The following TM9SF4 variants were observed in gnomAD, a reference collection of about 807,000 sequenced individuals.
TM9SF4 encodes transmembrane 9 superfamily member 4.
A neutral mutation model predicts 90.4 loss-of-function variants in TM9SF4; 26 were observed. The observed-to-expected ratio is 0.29, with a 90% confidence interval of 0.21 to 0.40. The LOEUF is 0.40. Among genes scored for constraint, TM9SF4 ranks in the 10% least tolerant of loss-of-function variants. TM9SF4 has a pLI of 1.00. For synonymous variants in TM9SF4, 293 were observed against 315.4 expected (o/e 0.93, Z 0.75); for missense variants, 549 against 834.8 (o/e 0.66, Z 4.22).
At chr20:32,161,392 T>C (rs1430202968) in intron 17 of TM9SF4, 27 bp downstream of exon 17, 2 of 1,598,320 alleles carry the variant, frequency 1.3e-6, no homozygotes, top group Admixed American at 3.3e-5. Context: ...GGAGGTCCTC[T>C]TAGTCCTCAT....
At chr20:32,163,270 T>A (rs371033015) in intron 17 of TM9SF4, among the ~76,000 whole-genome samples, 2,179 of 68,636 alleles carry the variant, frequency 0.032, 37 homozygotes, top group Non-Finnish European at 0.046. Flanking sequence ...AAAAAAAAAA[T>A]ATATATATAT....
chr20:32,157,361 C>T (rs1343256983), intron 13 of TM9SF4, among the ~76,000 whole-genome samples: 2 of 152,242 alleles, frequency 1.3e-5, no homozygotes, highest in Non-Finnish European at 2.9e-5. Context: ...CTTCTATACA[C>T]ATAGTTTATA....
At position 32,161,260 on chromosome 20, in the gene TM9SF4, T is replaced by G. The variant is rs1036174095; in HGVS notation, c.1690-16T>G. On this transcript the variant is annotated splice_polypyrimidine_tract_variant and intron_variant, in intron 16 of 17. Transcript: ENST00000398022. ...TGCCCCAGGACAACACTGACCTTCCTCTGTTTCCTCCTCAGGATTACCGCT... is the reference window on the plus strand; with the variant it reads ...TGCCCCAGGACAACACTGACCTTCCGCTGTTTCCTCCTCAGGATTACCGCT... The G allele has an allele frequency of 6.2e-7, 1 of 1,612,414 alleles. No homozygotes were observed. The highest frequency in any genetic ancestry group is 1.3e-5 in the African/African-American group (1 of 74,996).
rs941851420 is a variant in TM9SF4 at position 32,157,875 on chromosome 20, G to A, written c.1411G>A (p.Gly471Ser). 1.2e-6 allele frequency: 2 copies of A among 1,613,960 alleles called. No homozygotes were observed. The highest frequency in any genetic ancestry group is 1.1e-5 in the South Asian group (1 of 91,072). Residue 471 changes from glycine (G) to serine (S), a missense_variant, in exon 14 of 18, where the codon GGC becomes AGC. By Grantham distance (56) the Gly-to-Ser change is moderately conservative. This residue lies in a region of TM9SF4 where 495 missense variants were observed against 711.7 expected (regional missense o/e 0.70). Transcript: ENST00000398022. ...LPLVYLGYYF[G>S]FRKQPYDNPV... ...CCTCGTCTACTTGGGCTACTACTTCGGCTTCCGAAAGCAGCCATATGACAA... is the reference window on the plus strand; with the variant it reads ...CCTCGTCTACTTGGGCTACTACTTCAGCTTCCGAAAGCAGCCATATGACAA...
At chr20:32,138,951 T>C (rs1458959189) in intron 3 of TM9SF4, among the ~76,000 whole-genome samples, 1 of 152,226 alleles carries the variant, frequency 6.6e-6, no homozygotes, top group African/African-American at 2.4e-5. Flanking sequence ...TAAAATGCCA[T>C]TTCAGCAGTG....
At chr20:32,113,267 C>T in intron 1 of TM9SF4, among the ~76,000 whole-genome samples, 1 of 152,114 alleles carries the variant, frequency 6.6e-6, no homozygotes, top group East Asian at 1.9e-4. Flanking sequence ...CTCTTCTTCC[C>T]CAAGGGTTGA....
At chr20:32,125,678 T>C (rs972104524) in intron 1 of TM9SF4, among the ~76,000 whole-genome samples, 2 of 131,296 alleles carry the variant, frequency 1.5e-5, no homozygotes, top group African/African-American at 6.0e-5. Flanking sequence ...ATTTCTCTTT[T>C]TTCTTTTTTT....
intron 1 of TM9SF4, among the ~76,000 whole-genome samples, chr20:32,126,079 A>ACACACACACACG (rs1170848926): frequency 4.5e-5 from 5 of 112,094 alleles, no homozygotes; most frequent in African/African-American, 1.7e-4. Flanking sequence ...ACACACACAC[A>ACACACACACACG]CACACACACA....
chr20:32,128,544 T>G (rs1476306230), intron 1 of TM9SF4, among the ~76,000 whole-genome samples: 2 of 152,174 alleles, frequency 1.3e-5, no homozygotes, highest in Non-Finnish European at 2.9e-5. Flanking sequence ...CCCCGAATAA[T>G]GTACATTGTA....
At chr20:32,134,454 G>A (rs1016781351) in intron 2 of TM9SF4, among the ~76,000 whole-genome samples, 8 of 152,090 alleles carry the variant, frequency 5.3e-5, no homozygotes, top group Non-Finnish European at 1.0e-4. Context: ...TTTCACACCC[G>A]GAAAGCTCTG....
chr20:32,138,989 C>T (rs559449584), intron 3 of TM9SF4, among the ~76,000 whole-genome samples: 27 of 152,358 alleles, frequency 1.8e-4, no homozygotes, highest in African/African-American at 5.8e-4. Flanking sequence ...ACTGTGTCCT[C>T]GCTCTTCACT....
At position 32,113,943 on chromosome 20, in the gene TM9SF4, A is replaced by T. The variant is rs2046185223; in HGVS notation, c.15+4188A>T. Among the ~76,000 whole-genome samples the T allele has an allele frequency of 3.3e-5, 5 of 152,234 alleles. No homozygotes were observed. The South Asian group carries it at 1.0e-3, about 32-fold the overall frequency. ...GATCTTTTGTGTCTGGCTTCTTAGC[A>T]TAATGTTTTCAAAGTTTGTTTATGT... On this transcript the variant is annotated intron_variant, in intron 1 of 17. Coordinates refer to ENST00000398022, the MANE Select transcript of TM9SF4 (RefSeq NM_014742.4).
intron 1 of TM9SF4, among the ~76,000 whole-genome samples, chr20:32,122,827 G>A (rs1289928758): frequency 6.6e-6 from 1 of 152,082 alleles, no homozygotes; most frequent in African/African-American, 2.4e-5. Context: ...CGGCTGGGAG[G>A]TGGAGGTTGT....
At chr20:32,115,652 T>A (rs1419669802) in intron 1 of TM9SF4, among the ~76,000 whole-genome samples, 1 of 152,098 alleles carries the variant, frequency 6.6e-6, no homozygotes, top group Non-Finnish European at 1.5e-5. Flanking sequence ...GGTCTGAGAA[T>A]CTGGGCTAGA....
intron 17 of TM9SF4, 115 bp downstream of exon 17, chr20:32,161,480 A>G: frequency 1.1e-6 from 1 of 906,776 alleles, no homozygotes; most frequent in South Asian, 1.5e-5. Context: ...CAGAATGGGG[A>G]GGACCAAAGC....
chr20:32,153,409 G>C (rs1022079240), intron 12 of TM9SF4, among the ~76,000 whole-genome samples: 3 of 152,210 alleles, frequency 2.0e-5, no homozygotes, highest in Non-Finnish European at 1.5e-5. Flanking sequence ...GACCCACCTG[G>C]ATGCTCAGGC....
rs1210765415 is a variant in TM9SF4, at chr20:32,121,567, T to C, written c.16-11446T>C. On this transcript the variant is annotated intron_variant, in intron 1 of 17. Coordinates refer to ENST00000398022, the MANE Select transcript of TM9SF4 (RefSeq NM_014742.4). ...CCCAAGGCAGAAGAATTTTTCTTAGTACAGAACAAAATGAAAAGTCTCCCA... is the reference window on the plus strand; with the variant it reads ...CCCAAGGCAGAAGAATTTTTCTTAGCACAGAACAAAATGAAAAGTCTCCCA... Among the ~76,000 whole-genome samples, 4 of 151,910 alleles carry C rather than the reference T, an allele frequency of 2.6e-5. No homozygotes were observed. The East Asian group carries it at 7.7e-4, about 29-fold the overall frequency.
intron 10 of TM9SF4, among the ~76,000 whole-genome samples, chr20:32,150,261 A>G (rs1361040961): frequency 3.9e-5 from 6 of 152,152 alleles, no homozygotes; most frequent in Non-Finnish European, 7.3e-5. Flanking sequence ...TATCTGAAAA[A>G]TAGGGAAAGT....
chr20:32,161,231 G>C lies in TM9SF4; in HGVS notation c.1690-45G>C, dbSNP rs73906762. ...GCAACTGTGAAATTGGTAGGAAGGG[G>C]TTCTGCCCCAGGACAACACTGACCT... On this transcript the variant is annotated intron_variant, in intron 16 of 17. Transcript: ENST00000398022. The C allele has an allele frequency of 2.3e-3, 3,580 of 1,566,056 alleles. 72 individuals carry two copies. The African/African-American group carries it at 0.043, about 19-fold the overall frequency.
Sources: allele counts gnomAD v4.1 joint callset (sites outside exome capture counted in the v4.1 genomes callset), GRCh38; gene constraint gnomAD v4.1.1; regional missense constraint gnomAD v4.1.1; transcripts MANE v1.5; gene names NCBI Gene and HGNC (gene_info 2026-07-23, HGNC 2026-07-21).